KLHL5: variants seen among roughly 807,000 people sequenced by gnomAD.
The protein encoded by KLHL5 is kelch-like protein 5.
A neutral mutation model predicts 77.7 loss-of-function variants in KLHL5; 48 were observed. The ratio of observed to expected loss-of-function variants is 0.62; its 90% confidence interval spans 0.49 to 0.79. The LOEUF is 0.79. KLHL5 is among the 30% of genes least tolerant of loss of function. The probability of loss-of-function intolerance (pLI) is 0.00; values close to 1 mark genes in which losing one functional copy is unlikely to be tolerated. For missense variants in KLHL5, 723 were observed against 859.7 expected (o/e 0.84, Z 1.99); for synonymous variants, 260 against 297.0 (o/e 0.88, Z 1.28).
chr4:39,099,586 T>A (rs968233561), intron 6 of KLHL5, among the ~76,000 whole-genome samples: 1 of 152,204 alleles, frequency 6.6e-6, no homozygotes, highest in Non-Finnish European at 1.5e-5. Context: ...ATCCAGGATA[T>A]TGCTTTAGCT....
At chr4:39,078,902 A>G (rs35168672) in intron 2 of KLHL5, among the ~76,000 whole-genome samples, 69,795 of 151,696 alleles carry the variant, frequency 0.46, 16,877 homozygotes, top group Middle Eastern at 0.56. Flanking sequence ...ACTGAAATAA[A>G]AAATAAAAAA....
At chr4:39,088,138 T>C (rs1199298045) in intron 5 of KLHL5, among the ~76,000 whole-genome samples, 4 of 152,206 alleles carry the variant, frequency 2.6e-5, no homozygotes, top group Non-Finnish European at 5.9e-5. Flanking sequence ...ATTTGAAAAA[T>C]CCGATTCGAC....
chr4:39,062,257 T>C lies in KLHL5; in HGVS notation c.-396T>C. ...ACTGCAACGGGGATAGTGTTTTCTG[T>C]CTCTGTCATTTGTGGTTTAAGAAAA... On this transcript the variant is annotated 5_prime_UTR_variant, in exon 1 of 11. Transcript: ENST00000504108. The C allele has an allele frequency of 3.1e-6, 4 of 1,289,844 alleles. No homozygotes were observed. Among genetic ancestry groups the C allele is most frequent in the Non-Finnish European group, 3.9e-6 (4 of 1,017,312 alleles). 79.9% of individuals were successfully genotyped at this position (1,289,844 alleles called of 1,614,324 possible).
chr4:39,121,035 C>G lies in KLHL5; in HGVS notation c.2099C>G (p.Ala700Gly), dbSNP rs766538768. 1.2e-6 allele frequency: 2 copies of G among 1,613,366 alleles called. No homozygotes were observed. Among genetic ancestry groups the G allele is most frequent in the South Asian group, 1.1e-5 (1 of 91,054 alleles). Reference protein sequence around the residue: ...TQVAPLCLGRAGACVVTVKL With the variant: ...TQVAPLCLGRGGACVVTVKL ...GTTGCTCCACTGTGCCTAGGAAGAG[C>G]TGGAGCTTGTGTTGTGACTGTAAAA... Residue 700 changes from alanine to glycine, a missense_variant, in exon 11 of 11, where the codon GCT becomes GGT. Physicochemically the swap from Ala to Gly is moderately conservative, Grantham distance 60 (BLOSUM62 0). Transcript: ENST00000504108.
intron 6 of KLHL5, among the ~76,000 whole-genome samples, chr4:39,098,997 A>G (rs1721318960): frequency 1.3e-5 from 2 of 152,194 alleles, no homozygotes; most frequent in African/African-American, 4.8e-5. Flanking sequence ...GTTATTATTA[A>G]TATTAAAAAT....
intron 8 of KLHL5, chr4:39,112,670 G>A (rs1722529725): frequency 5.0e-6 from 1 of 201,966 alleles, no homozygotes; most frequent in Non-Finnish European, 1.0e-5. Context: ...AAAAAGCCAT[G>A]GTATATTTAT....
At chr4:39,105,487 AG>A (rs1212790853) in intron 7 of KLHL5, among the ~76,000 whole-genome samples, 2 of 151,956 alleles carry the variant, frequency 1.3e-5, no homozygotes, top group African/African-American at 4.8e-5. Context: ...GGGTTGAATT[AG>A]GTGAACCCCT....
At chr4:39,110,073 GAATCTCTCT>G (rs1722343600) in intron 8 of KLHL5, among the ~76,000 whole-genome samples, 1 of 152,104 alleles carries the variant, frequency 6.6e-6, no homozygotes, top group Non-Finnish European at 1.5e-5. Flanking sequence ...TTTAGCAGTT[GAATCTCTCT>G]TTCAAATGAA....
At chr4:39,086,353 T>C (rs1250942402) in intron 4 of KLHL5, among the ~76,000 whole-genome samples, 162 bp from the exon 5 acceptor site, 2 of 152,218 alleles carry the variant, frequency 1.3e-5, no homozygotes, top group Non-Finnish European at 2.9e-5. Context: ...TTAATTTTTT[T>C]TTCTCTGCTG....
At chr4:39,109,000 A>C (rs1722247941) in intron 8 of KLHL5, among the ~76,000 whole-genome samples, 2 of 152,166 alleles carry the variant, frequency 1.3e-5, no homozygotes, top group Non-Finnish European at 2.9e-5. Context: ...TCAATCCTTA[A>C]CCCACCTAAA....
At position 39,125,575 on chromosome 4, in the gene KLHL5, CAAGTG is replaced by C. The variant is rs1428060655; in HGVS notation, c.*4512_*4516del. 1.3e-5 allele frequency among the ~76,000 whole-genome samples: 2 copies of C among 152,018 alleles called. No individual in the cohort carries two copies. The highest frequency in any genetic ancestry group is 2.9e-5 in the Non-Finnish European group (2 of 68,020). On this transcript the variant is annotated 3_prime_UTR_variant, in exon 11 of 11. Transcript: ENST00000504108. ...GGATGAGCCTTGAGCGCATTTTTGC[CAAGTG>C]AAAGAAGGCAGACACAAAAGGCAAC...
At chr4:39,127,963 T>G (rs568272564), downstream of KLHL5, among the ~76,000 whole-genome samples, 80 of 152,226 alleles carry the variant, frequency 5.3e-4, no homozygotes, top group African/African-American at 1.7e-3. Context: ...TATCAGAAAC[T>G]CAGTAGCAAA....
At chr4:39,091,348 A>G (rs1019869065) in intron 5 of KLHL5, among the ~76,000 whole-genome samples, 5 of 151,874 alleles carry the variant, frequency 3.3e-5, no homozygotes, top group Admixed American at 2.6e-4. Flanking sequence ...GTGGTCTTCA[A>G]CTACTGGACT....
intron 1 of KLHL5, among the ~76,000 whole-genome samples, chr4:39,068,013 C>G (rs1718061294): frequency 6.6e-6 from 1 of 151,988 alleles, no homozygotes; most frequent in African/African-American, 2.4e-5. Context: ...TCTTCTACCC[C>G]ATCTTACTGG....
intron 2 of KLHL5, among the ~76,000 whole-genome samples, 176 bp downstream of exon 2, chr4:39,076,323 G>T (rs911597069): frequency 6.6e-6 from 1 of 152,106 alleles, no homozygotes; most frequent in African/African-American, 2.4e-5. Context: ...GATCCTAAAA[G>T]GGTCATTTTC....
At chr4:39,082,898 T>C (rs116711294) in intron 4 of KLHL5, among the ~76,000 whole-genome samples, 1,551 of 121,860 alleles carry the variant, frequency 0.013, 23 homozygotes, top group African/African-American at 0.039. Flanking sequence ...GAGGGTGTTA[T>C]GGGTTTTTGA....
downstream of KLHL5, among the ~76,000 whole-genome samples, chr4:39,130,358 G>A (rs1723750469): frequency 6.6e-6 from 1 of 152,164 alleles, no homozygotes; most frequent in Non-Finnish European, 1.5e-5. Flanking sequence ...TATTGTTTGT[G>A]GCTTAAGAAT....
chr4:39,059,880 CAGAGTT>C (rs1717269601), upstream of KLHL5, among the ~76,000 whole-genome samples: 1 of 152,234 alleles, frequency 6.6e-6, no homozygotes. Context: ...GCCTGGGTGA[CAGAGTT>C]AGATTCTGTC....
At position 39,105,286 on chromosome 4, in the gene KLHL5, A is replaced by G. The variant is rs192035235; in HGVS notation, c.1525+1775A>G. ...CTCAGCCTCTCTAGTAGCTAGGACT[A>G]TAGGCATGCACCATCACACCTGGCT... On this transcript the variant is annotated intron_variant, in intron 7 of 10. Coordinates refer to ENST00000504108, the MANE Select transcript of KLHL5 (RefSeq NM_015990.5). 3.6e-3 allele frequency among the ~76,000 whole-genome samples: 549 copies of G among 151,896 alleles called. 7 individuals carry two copies. The highest frequency in any genetic ancestry group is 0.03 in the Admixed American group (451 of 15,228).
Sources: allele counts gnomAD v4.1 joint callset (sites outside exome capture counted in the v4.1 genomes callset), GRCh38; gene constraint gnomAD v4.1.1; transcripts MANE v1.5; gene names NCBI Gene and HGNC (gene_info 2026-07-23, HGNC 2026-07-21).